CADM1: variants seen among roughly 807,000 people sequenced by gnomAD.
CADM1 encodes the protein cell adhesion molecule 1.
A neutral mutation model predicts 53.1 loss-of-function variants in CADM1; 15 were observed. The ratio of observed to expected loss-of-function variants is 0.28; its 90% CI spans 0.19 to 0.44. The LOEUF (loss-of-function observed/expected upper bound fraction) is 0.44. CADM1 is among the 20% of genes least tolerant of loss of function. The probability of loss-of-function intolerance (pLI) is 1.00; values close to 1 mark genes in which losing one functional copy is unlikely to be tolerated. For synonymous variants in CADM1, 281 were observed against 243.0 expected, an observed-to-expected ratio of 1.16 and a Z score of -1.45; for missense variants, 434 against 611.3, an observed-to-expected ratio of 0.71 and a Z score of 3.06.
intron 1 of CADM1, among the ~76,000 whole-genome samples, chr11:115,463,513 A>G (rs1948836738): frequency 6.6e-6 from 1 of 152,204 alleles, no homozygotes; most frequent in African/African-American, 2.4e-5. Flanking sequence ...TCAAAAGAGA[A>G]TGAGATATAT....
chr11:115,337,114 G>A (rs1945287379), intron 1 of CADM1, among the ~76,000 whole-genome samples: 1 of 152,116 alleles, frequency 6.6e-6, no homozygotes, highest in Admixed American at 6.6e-5. Flanking sequence ...AACCAAGTCT[G>A]TCTAAGCTTG....
At chr11:115,264,959 A>C (rs1017168655) in intron 1 of CADM1, among the ~76,000 whole-genome samples, 5 of 152,288 alleles carry the variant, frequency 3.3e-5, no homozygotes, top group Non-Finnish European at 5.9e-5. Context: ...TAAGTGAACA[A>C]CACCACAGTA....
chr11:115,463,051 G>A (rs547262778), intron 1 of CADM1, among the ~76,000 whole-genome samples: 1 of 152,260 alleles, frequency 6.6e-6, no homozygotes, highest in South Asian at 2.1e-4. Flanking sequence ...GCTGGCAGGA[G>A]TAGCTTTACT....
At chr11:115,389,637 A>C (rs1470462958) in intron 1 of CADM1, among the ~76,000 whole-genome samples, 1 of 152,190 alleles carries the variant, frequency 6.6e-6, no homozygotes, top group Non-Finnish European at 1.5e-5. Context: ...AAGATGATAC[A>C]TATAGCATGA....
At chr11:115,204,701 G>A (rs1008196056) in intron 8 of CADM1, among the ~76,000 whole-genome samples, 1 of 152,164 alleles carries the variant, frequency 6.6e-6, no homozygotes, top group African/African-American at 2.4e-5. Context: ...AAAAACATGT[G>A]TTCTGGTGTC....
rs185489003 is a variant in CADM1 at position 115,274,315 on chromosome 11, C to T, written c.125-33895G>A. On this transcript the variant is annotated intron_variant, in intron 1 of 11. Coordinates refer to ENST00000331581, the MANE Select transcript of CADM1 (RefSeq NM_001301043.2). ...ACGGAATGGCACAGGTGCTTAAGCA[C>T]GAGCACCAGGCTCTGCCCGCACACT... Among the ~76,000 whole-genome samples, 6 of 152,330 alleles carry T rather than the reference C, an allele frequency of 3.9e-5. No individual in the cohort carries two copies. In the East Asian group the frequency reaches 7.7e-4, roughly 20 times the overall value.
intron 1 of CADM1, among the ~76,000 whole-genome samples, chr11:115,308,496 T>C (rs1355929777): frequency 6.6e-6 from 1 of 152,010 alleles, no homozygotes; most frequent in Non-Finnish European, 1.5e-5. Context: ...ATGAAGACAA[T>C]GCAAGATAAT....
intron 1 of CADM1, among the ~76,000 whole-genome samples, chr11:115,425,787 C>G (rs553109695): frequency 1.3e-5 from 2 of 152,336 alleles, no homozygotes; most frequent in Non-Finnish European, 2.9e-5. Context: ...TAAACCCTCT[C>G]AAAAGATGTC....
chr11:115,464,124 T>C (rs1381576684), intron 1 of CADM1, among the ~76,000 whole-genome samples: 1 of 152,188 alleles, frequency 6.6e-6, no homozygotes, highest in African/African-American at 2.4e-5. Context: ...CAATTAGCAA[T>C]GTTAAATATT....
intron 3 of CADM1, among the ~76,000 whole-genome samples, chr11:115,237,095 G>T (rs1335871448): frequency 6.6e-6 from 1 of 152,124 alleles, no homozygotes; most frequent in Admixed American, 6.5e-5. Flanking sequence ...AGTCTATGCT[G>T]CTAATGACTT....
intron 8 of CADM1, 141 bp downstream of exon 8, chr11:115,209,433 G>T: frequency 2.5e-6 from 3 of 1,214,278 alleles, no homozygotes; most frequent in African/African-American, 1.5e-5. Context: ...TAAGAACATA[G>T]TATCTAATGT....
chr11:115,283,963 G>A (rs1191950278), intron 1 of CADM1, among the ~76,000 whole-genome samples: 1 of 152,148 alleles, frequency 6.6e-6, no homozygotes, highest in Non-Finnish European at 1.5e-5. Flanking sequence ...GACAAGTGAA[G>A]AAAAGCTTTA....
At chr11:115,327,564 T>C (rs960392093) in intron 1 of CADM1, among the ~76,000 whole-genome samples, 1 of 152,086 alleles carries the variant, frequency 6.6e-6, no homozygotes, top group Non-Finnish European at 1.5e-5. Context: ...GAATCACCTA[T>C]TCAGCATTTG....
At chr11:115,225,657 T>A (rs955421587) in intron 5 of CADM1, among the ~76,000 whole-genome samples, 1 of 152,170 alleles carries the variant, frequency 6.6e-6, no homozygotes, top group Non-Finnish European at 1.5e-5. Context: ...TCAAGCCTTG[T>A]CTTCTATGCC....
chr11:115,209,581 G>A lies in CADM1; in HGVS notation c.1071C>T (p.Ile357=). The A allele has an allele frequency of 1.4e-6, 2 of 1,380,944 alleles. No individual in the cohort carries two copies. Among genetic ancestry groups the A allele is most frequent in the Non-Finnish European group, 1.0e-6 (1 of 998,772 alleles). The allele number at this position is 1,380,944 out of a possible 1,614,324, so 85.5% of individuals were successfully genotyped here. A position where few individuals can be genotyped will look rare whatever the true frequency, so the allele number is the denominator to read the frequency against. ...GTAATGAAGATACCATACCTGTGAT[G>A]ATGGTAAGGATGGTGGTGGTGGTGG... ...TTTTTTTILT[I]ITDTTATTEP... The change falls in exon 8 of 12, where the codon ATC becomes ATT. Residue 357 remains isoleucine, a synonymous_variant. Transcript: ENST00000331581.
chr11:115,308,444 T>C lies in CADM1; in HGVS notation c.125-68024A>G, dbSNP rs1362304305. Among the ~76,000 whole-genome samples, 4 of 151,916 alleles carry C rather than the reference T, an allele frequency of 2.6e-5. No individual in the cohort carries two copies. In the East Asian group the frequency reaches 7.7e-4, roughly 29 times the overall value. On this transcript the variant is annotated intron_variant, in intron 1 of 11. Coordinates refer to ENST00000331581, the MANE Select transcript of CADM1 (RefSeq NM_001301043.2). ...GAAATTGTAACCACTGTTAATTCTT[T>C]ATCTGTCTTTTTACTCAATAAATAT...
At chr11:115,468,889 C>T (rs939863120) in intron 1 of CADM1, among the ~76,000 whole-genome samples, 4 of 152,160 alleles carry the variant, frequency 2.6e-5, no homozygotes, top group African/African-American at 7.2e-5. Flanking sequence ...AAAGGAGGAG[C>T]AAAGTTACGT....
At chr11:115,387,400 C>T (rs955653989) in intron 1 of CADM1, among the ~76,000 whole-genome samples, 1 of 151,566 alleles carries the variant, frequency 6.6e-6, no homozygotes, top group Non-Finnish European at 1.5e-5. Context: ...GAAAATGAAG[C>T]AAAGGGAAAA....
intron 1 of CADM1, among the ~76,000 whole-genome samples, chr11:115,453,909 C>A (rs1948629413): frequency 6.6e-6 from 1 of 152,148 alleles, no homozygotes; most frequent in Non-Finnish European, 1.5e-5. Flanking sequence ...AGCACTGGCA[C>A]TTTTGGGAAT....
Sources: gnomAD v4.1 joint callset for allele counts (sites outside exome capture counted in the v4.1 genomes callset) on GRCh38, gnomAD v4.1.1 for gene constraint, MANE v1.5 for transcripts, NCBI Gene and HGNC (gene_info 2026-07-23, HGNC 2026-07-21) for gene names.